CHD4: variants seen among roughly 807,000 people sequenced by gnomAD.
CHD4 encodes the protein chromodomain helicase DNA binding protein 4.
In CHD4, 35 loss-of-function variants were observed where a neutral mutation model predicts 235.5. The ratio of observed to expected loss-of-function variants is 0.15; its 90% CI spans 0.11 to 0.20. CHD4 has a LOEUF of 0.20. CHD4 is among the 10% of genes least tolerant of loss of function. The pLI, the probability that CHD4 is intolerant of heterozygous loss-of-function variation, is 1.00. For missense variants in CHD4, 1,329 were observed against 2,432.3 expected (o/e 0.55, Z 9.54); for synonymous variants, 900 against 850.2 (o/e 1.06, Z -1.02).
At chr12:6,583,553 C>T in intron 25 of CHD4, 175 bp from the exon 26 acceptor site, 1 of 560,144 alleles carries the variant, frequency 1.8e-6, no homozygotes, top group Non-Finnish European at 3.1e-6. Flanking sequence ...TACACAGCTC[C>T]TCATAATTAC....
At chr12:6,602,884 G>C (rs543735218) in intron 2 of CHD4, 7 of 176,070 alleles carry the variant, frequency 4.0e-5, no homozygotes, top group African/African-American at 1.7e-4. Flanking sequence ...ACCAGGGAAT[G>C]AGAATGAAAG....
intron 25 of CHD4, among the ~76,000 whole-genome samples, chr12:6,584,981 C>T (rs1221437354): frequency 6.6e-6 from 1 of 152,062 alleles, no homozygotes; most frequent in Non-Finnish European, 1.5e-5. Flanking sequence ...TGAGGTTGGA[C>T]GCATTACCTT....
chr12:6,601,809 C>A (rs1410741896), intron 4 of CHD4, 43 bp from the exon 5 acceptor site: 1 of 1,574,166 alleles, frequency 6.4e-7, no homozygotes, highest in Non-Finnish European at 8.7e-7. Flanking sequence ...CCACCTAGTG[C>A]CCACACTTGC....
At chr12:6,577,649 T>TTAA in intron 37 of CHD4, 136 bp downstream of exon 37, 1 of 1,180,684 alleles carries the variant, frequency 8.5e-7, no homozygotes, top group Middle Eastern at 2.0e-4. Flanking sequence ...AATGTGTAAG[T>TTAA]TACTTGGGAG....
At chr12:6,602,781 T>C (rs911439807) in intron 2 of CHD4, 3 of 303,260 alleles carry the variant, frequency 9.9e-6, no homozygotes, top group Non-Finnish European at 1.8e-5. Context: ...CTCTAGATGT[T>C]CACCAGTACA....
At chr12:6,589,906 G>T (rs1220024414) in intron 22 of CHD4, among the ~76,000 whole-genome samples, 1 of 151,982 alleles carries the variant, frequency 6.6e-6, no homozygotes, top group Non-Finnish European at 1.5e-5. Flanking sequence ...CTTATCAAAA[G>T]TATCTATATT....
At position 6,598,108 on chromosome 12, in the gene CHD4, G is replaced by A. The variant is rs755463952; in HGVS notation, c.1687-9C>T. On this transcript the variant is annotated splice_polypyrimidine_tract_variant and intron_variant, in intron 11 of 39. Transcript: ENST00000544040. ...TGACAGTGCAGCTCCAGCTTTGAGCGGAAAGAGAAAATCAGCCACCAAGAA... is the reference window on the plus strand; with the variant it reads ...TGACAGTGCAGCTCCAGCTTTGAGCAGAAAGAGAAAATCAGCCACCAAGAA... 5.6e-6 allele frequency: 9 copies of A among 1,613,812 alleles called. No homozygotes were observed. The highest frequency in any genetic ancestry group is 1.1e-5 in the South Asian group (1 of 91,072).
Position 6,606,321 on chromosome 12 carries a change from T to C in CHD4, c.53A>G (p.Glu18Gly). 6.4e-7 allele frequency: 1 copy of C among 1,573,316 alleles called. No homozygotes were observed. The highest frequency in any genetic ancestry group is 8.6e-7 in the Non-Finnish European group (1 of 1,162,536). Residue 18 changes from glutamate to glycine, a missense_variant, in exon 2 of 40, where the codon GAG becomes GGG. Physicochemically the swap from Glu to Gly is moderately conservative, Grantham distance 98. Around this residue, in one of 26 missense-constraint regions of CHD4, gnomAD observed 213 missense variants for 177.5 expected, o/e 1.20. Coordinates refer to ENST00000544040, the MANE Select transcript of CHD4 (RefSeq NM_001273.5). ...GTTGTTCAAAAGTGCATCCATATCCTCCTCCTCACTGCCCGCCGAGCAGGG... is the reference window on the plus strand; with the variant it reads ...GTTGTTCAAAAGTGCATCCATATCCCCCTCCTCACTGCCCGCCGAGCAGGG... ...PSPCSAGSEE[E>G]DMDALLNNSL...
intron 35 of CHD4, 123 bp downstream of exon 35, chr12:6,578,286 T>C: frequency 1.4e-6 from 2 of 1,391,974 alleles, no homozygotes; most frequent in Non-Finnish European, 2.0e-6. Context: ...GAACCCACTA[T>C]CAGTTTGGCA....
chr12:6,578,536 TTTC>T lies in CHD4; in HGVS notation c.4989_4991del (p.Lys1664del), dbSNP rs1000118366. 1.2e-6 allele frequency: 2 copies of T among 1,611,356 alleles called. No homozygotes were observed. The highest frequency in any genetic ancestry group is 1.7e-6 in the Non-Finnish European group (2 of 1,179,726). On this transcript the variant is annotated inframe_deletion, in exon 35 of 40. Coordinates refer to ENST00000544040, the MANE Select transcript of CHD4 (RefSeq NM_001273.5). Reference sequence around the variant, plus strand: ...TCACCTCTTTTTTCTCTTCTTCTTCTTTCTTCTCTTCTACAGAATATGGGGAAG... The same window carrying T: ...TCACCTCTTTTTTCTCTTCTTCTTCTTTCTCTTCTACAGAATATGGGGAAG...
At chr12:6,579,600 A>AC (rs1432115274) in intron 33 of CHD4, 10 of 151,268 alleles carry the variant, frequency 6.6e-5, no homozygotes, top group East Asian at 3.9e-4. Context: ...AAAAAAAAAA[A>AC]AACAACAACA....
intron 2 of CHD4, among the ~76,000 whole-genome samples, chr12:6,603,480 A>T (rs1457234413): frequency 6.7e-6 from 1 of 150,358 alleles, no homozygotes; most frequent in Non-Finnish European, 1.5e-5. Context: ...TCCTGACCGC[A>T]GAAGCCAGCC....
intron 34 of CHD4, 50 bp from the exon 35 acceptor site, chr12:6,578,596 C>T (rs761507020): frequency 1.2e-6 from 2 of 1,605,692 alleles, no homozygotes; most frequent in South Asian, 1.1e-5. Flanking sequence ...AGCCCAGCAC[C>T]ATCGCCCTTA....
intron 22 of CHD4, among the ~76,000 whole-genome samples, chr12:6,590,966 T>C (rs947043630): frequency 6.6e-6 from 1 of 150,876 alleles, no homozygotes; most frequent in Non-Finnish European, 1.5e-5. Context: ...CTACTAAAAA[T>C]ACAAAAATTA....
intron 9 of CHD4, 82 bp downstream of exon 9, chr12:6,600,135 T>C: frequency 6.7e-7 from 1 of 1,502,300 alleles, no homozygotes; most frequent in Non-Finnish European, 9.0e-7. Context: ...AGCATTTCCA[T>C]TTCCATCCAG....
At chr12:6,573,340 A>T in intron 37 of CHD4, 71 bp from the exon 38 acceptor site, 1 of 1,272,836 alleles carries the variant, frequency 7.9e-7, no homozygotes. Context: ...CTGGCCTCTC[A>T]GCTCACCTCT....
intron 13 of CHD4, 75 bp from the exon 14 acceptor site, chr12:6,595,505 C>T: frequency 1.6e-6 from 2 of 1,274,802 alleles, no homozygotes; most frequent in East Asian, 2.4e-5. Flanking sequence ...GGCACAGTGG[C>T]TCACACCTGT....
Position 6,591,839 on chromosome 12 carries a change from CA to C in CHD4, c.3091-15del. Reference sequence around the variant, plus strand: ...CTTAGGAGCTTCCTGAGAACAAATGCAAAGAAAAAAGTATTAAAAGAAAGCC... The same window carrying C: ...CTTAGGAGCTTCCTGAGAACAAATGCAAGAAAAAAGTATTAAAAGAAAGCC... On this transcript the variant is annotated splice_polypyrimidine_tract_variant and intron_variant, in intron 20 of 39. Coordinates refer to ENST00000544040, the MANE Select transcript of CHD4 (RefSeq NM_001273.5). The C allele has an allele frequency of 6.2e-7, 1 of 1,613,442 alleles. No homozygotes were observed. The highest frequency in any genetic ancestry group is 8.5e-7 in the Non-Finnish European group (1 of 1,179,810).
In CHD4 at chr12:6,605,505, C is replaced by A. The variant is rs77900333; in HGVS notation, c.100+769G>T. Among the ~76,000 whole-genome samples, 262 of 152,248 alleles carry A rather than the reference C, an allele frequency of 1.7e-3. 6 individuals are homozygous for A. The East Asian group carries it at 0.048, about 28-fold the overall frequency. ...CCACCCCAAAACACAGATAGCGTAACCCCTAGCACACCTACACAGACACTT... is the reference window on the plus strand; with the variant it reads ...CCACCCCAAAACACAGATAGCGTAAACCCTAGCACACCTACACAGACACTT... On this transcript the variant is annotated intron_variant, in intron 2 of 39. Transcript: ENST00000544040.
Sources: gnomAD v4.1 joint callset for allele counts (sites outside exome capture counted in the v4.1 genomes callset) on GRCh38, gnomAD v4.1.1 for gene constraint, gnomAD v4.1.1 regional missense constraint, MANE v1.5 for transcripts, NCBI Gene and HGNC (gene_info 2026-07-23, HGNC 2026-07-21) for gene names.